PIP4K2B: variants seen among roughly 807,000 people sequenced by gnomAD.
PIP4K2B encodes phosphatidylinositol 5-phosphate 4-kinase type-2 beta.
PIP4K2B carries 3 observed loss-of-function variants against 42.0 expected under a neutral mutation model. The ratio of observed to expected loss-of-function variants is 0.07; its 90% CI spans 0.03 to 0.18. The LOEUF is 0.18. Ranked by LOEUF, PIP4K2B falls within the 10% of genes least tolerant of loss-of-function variation. The probability of loss-of-function intolerance (pLI) is 1.00; values close to 1 mark genes in which losing one functional copy is unlikely to be tolerated. For missense variants in PIP4K2B, 332 were observed against 562.3 expected (o/e 0.59, Z 4.14); for synonymous variants, 204 against 210.1 (o/e 0.97, Z 0.25).
At chr17:38,775,331 C>G (rs887983375) in intron 7 of PIP4K2B, among the ~76,000 whole-genome samples, 1 of 152,144 alleles carries the variant, frequency 6.6e-6, no homozygotes, top group Non-Finnish European at 1.5e-5. Context: ...TAGCTCACCA[C>G]AACCGTGAAC....
chr17:38,794,605 T>A (rs1598059129), intron 1 of PIP4K2B, among the ~76,000 whole-genome samples: 2 of 78,760 alleles, frequency 2.5e-5, no homozygotes, highest in Non-Finnish European at 2.3e-5. Flanking sequence ...AAACCCCAAT[T>A]CATTAAAAAA....
At chr17:38,788,963 A>G (rs906086362) in intron 1 of PIP4K2B, among the ~76,000 whole-genome samples, 6 of 150,284 alleles carry the variant, frequency 4.0e-5, no homozygotes, top group African/African-American at 1.2e-4. Flanking sequence ...AAAAAAAATT[A>G]AACACATTAG....
intron 4 of PIP4K2B, 66 bp from the exon 5 acceptor site, chr17:38,779,595 C>T (rs1909582809): frequency 1.4e-6 from 2 of 1,468,656 alleles, no homozygotes; most frequent in African/African-American, 1.4e-5. Flanking sequence ...ATGGGGCTCA[C>T]CCCAGACTAA....
At chr17:38,781,265 G>A (rs985840111) in intron 3 of PIP4K2B, among the ~76,000 whole-genome samples, 1 of 151,866 alleles carries the variant, frequency 6.6e-6, no homozygotes, top group Admixed American at 6.6e-5. Flanking sequence ...GAGCTTTCCT[G>A]GCTGTATCCC....
intron 2 of PIP4K2B, among the ~76,000 whole-genome samples, chr17:38,784,728 AG>A (rs1909913841): frequency 6.6e-6 from 1 of 152,240 alleles, no homozygotes; most frequent in Non-Finnish European, 1.5e-5. Context: ...ACTTTGTAAA[AG>A]TAATCCAGCA....
intron 3 of PIP4K2B, among the ~76,000 whole-genome samples, chr17:38,783,383 T>C (rs542754546): frequency 1.3e-5 from 2 of 152,078 alleles, no homozygotes; most frequent in Admixed American, 6.6e-5. Flanking sequence ...TGGGATTGAT[T>C]CCTCCCAACA....
chr17:38,776,955 T>G (rs1364609783), intron 7 of PIP4K2B, among the ~76,000 whole-genome samples: 1 of 152,204 alleles, frequency 6.6e-6, no homozygotes, highest in Non-Finnish European at 1.5e-5. Context: ...TGGAGCACAG[T>G]GGCATGATCA....
chr17:38,799,097 G>A lies in PIP4K2B; in HGVS notation c.159+169C>T, dbSNP rs528577496. ...GACACCAGGCCTCGCGTGGCGTGCG[G>A]GGAGTGCACACGGGGCCGAAAGGCG... is the stretch of plus-strand genomic sequence containing the variant. On this transcript the variant is annotated intron_variant, in intron 1 of 9. Transcript: ENST00000619039. This position sits in a 1 kb window ranked among gnomAD's most constrained non-coding sequence, Gnocchi z 4.4. 2.0e-5 allele frequency among the ~76,000 whole-genome samples: 3 copies of A among 152,246 alleles called. No homozygotes were observed. The South Asian group carries it at 6.2e-4, about 32-fold the overall frequency.
intron 2 of PIP4K2B, among the ~76,000 whole-genome samples, chr17:38,786,370 A>G (rs904088622): frequency 7.9e-5 from 12 of 152,364 alleles, no homozygotes; most frequent in African/African-American, 2.9e-4. Context: ...TACTCTGGAT[A>G]GTGCCCTCGA....
chr17:38,798,470 T>C (rs1361100915), intron 1 of PIP4K2B, among the ~76,000 whole-genome samples: 1 of 152,200 alleles, frequency 6.6e-6, no homozygotes, highest in Non-Finnish European at 1.5e-5. Context: ...ATCTCTCCTA[T>C]CTAGGACCAT....
intron 4 of PIP4K2B, among the ~76,000 whole-genome samples, chr17:38,780,174 G>A (rs1909616023): frequency 6.6e-6 from 1 of 152,342 alleles, no homozygotes; most frequent in East Asian, 1.9e-4. Flanking sequence ...CTGCCGAGCT[G>A]AGGGGGCCTC....
chr17:38,789,596 G>A (rs555730709), intron 1 of PIP4K2B, among the ~76,000 whole-genome samples: 2 of 152,300 alleles, frequency 1.3e-5, no homozygotes, highest in South Asian at 4.1e-4. Context: ...GGGGGAAATG[G>A]CATTTAATTT....
At chr17:38,785,871 AGTCAGAACAACCTTCTTTCTTCTGG>A (rs1436030388) in intron 2 of PIP4K2B, among the ~76,000 whole-genome samples, 1 of 152,202 alleles carries the variant, frequency 6.6e-6, no homozygotes, top group Admixed American at 6.5e-5. Context: ...CGGACCTCTG[AGTCAGAACAACCTTCTTTCTTCTGG>A]GTCAGAACAA....
intron 9 of PIP4K2B, 56 bp downstream of exon 9, chr17:38,770,380 G>C: frequency 9.7e-7 from 1 of 1,035,320 alleles, no homozygotes; most frequent in South Asian, 1.3e-5. Context: ...GGGTCTGAGG[G>C]TAAGCACAGA....
At chr17:38,788,867 C>T (rs911783774) in intron 1 of PIP4K2B, among the ~76,000 whole-genome samples, 4 of 128,086 alleles carry the variant, frequency 3.1e-5, no homozygotes, top group Non-Finnish European at 7.4e-5. Context: ...GCAGGAGAAT[C>T]GTTTGAACCC....
intron 7 of PIP4K2B, among the ~76,000 whole-genome samples, 158 bp from the exon 8 acceptor site, chr17:38,771,430 G>A (rs1018099042): frequency 4.6e-5 from 1 of 21,574 alleles, no homozygotes; most frequent in African/African-American, 3.7e-4. Flanking sequence ...CCGCCCTCGC[G>A]AGCTCTCTCT....
rs1228190163 is a variant in PIP4K2B, at chr17:38,768,966, T to C, written c.*725A>G. ...CGCTTTCCTGCCCCTCACCATCCCA[T>C]GAGGATGAACTTATTCCCCTCTGAG... On this transcript the variant is annotated 3_prime_UTR_variant, in exon 10 of 10. Coordinates refer to ENST00000619039, the MANE Select transcript of PIP4K2B (RefSeq NM_003559.5). 3 of 152,632 alleles carry C rather than the reference T, an allele frequency of 2.0e-5. No homozygotes were observed. The highest frequency in any genetic ancestry group is 4.8e-5 in the African/African-American group (2 of 41,426). The allele number at this position is 152,632 out of a possible 1,614,324, so 9.5% of individuals were successfully genotyped here.
chr17:38,794,667 A>C (rs1400995738), intron 1 of PIP4K2B, among the ~76,000 whole-genome samples: 1 of 150,176 alleles, frequency 6.7e-6, no homozygotes, highest in African/African-American at 2.4e-5. Flanking sequence ...AAGAAAACAA[A>C]GGAGTAAATC....
Position 38,783,824 on chromosome 17 carries a change from C to G in PIP4K2B, c.354+419G>C, listed in dbSNP as rs563538590. On this transcript the variant is annotated intron_variant, in intron 3 of 9. Coordinates refer to ENST00000619039, the MANE Select transcript of PIP4K2B (RefSeq NM_003559.5). ...CCATGTTGGCCAGGCTGGTCTCAAA[C>G]TCCTGACCTCAGGTGACCTACCTGC... Among the ~76,000 whole-genome samples, 634 of 152,336 alleles carry G rather than the reference C, an allele frequency of 4.2e-3. 5 individuals carry two copies. Among genetic ancestry groups the G allele is most frequent in the African/African-American group, 0.015 (604 of 41,572 alleles).
Sources: gnomAD v4.1 joint callset for allele counts (sites outside exome capture counted in the v4.1 genomes callset) on GRCh38, gnomAD v4.1.1 for gene constraint, Gnocchi (gnomAD v3.1) non-coding constraint, MANE v1.5 for transcripts, NCBI Gene and HGNC (gene_info 2026-07-23, HGNC 2026-07-21) for gene names.